The following GRID2 variants were observed in gnomAD, a reference collection of about 807,000 sequenced individuals.
The protein encoded by GRID2 is glutamate ionotropic receptor delta type subunit 2.
In GRID2, 33 loss-of-function variants were observed where a neutral mutation model predicts 114.8. That is an observed-to-expected ratio of 0.29 (90% CI 0.22 to 0.38). GRID2 has a LOEUF of 0.38. Among genes scored for constraint, GRID2 ranks in the 10% least tolerant of loss-of-function variants. The pLI is 1.00. For synonymous variants in GRID2, 505 were observed against 449.9 expected, an observed-to-expected ratio of 1.12 and a Z score of -1.55; for missense variants, 1,184 against 1,257.7, an observed-to-expected ratio of 0.94 and a Z score of 0.89.
At chr4:92,936,773 A>C (rs557393067) in intron 2 of GRID2, among the ~76,000 whole-genome samples, 1 of 146,524 alleles carries the variant, frequency 6.8e-6, no homozygotes, top group East Asian at 2.2e-4. Context: ...AATTGTGAGG[A>C]TATAATATTT....
At position 92,690,990 on chromosome 4, in the gene GRID2, CA is replaced by C. The variant is rs760539456; in HGVS notation, c.244+100709del. Among the ~76,000 whole-genome samples, 4 of 151,916 alleles carry C rather than the reference CA, an allele frequency of 2.6e-5. No homozygotes were observed. In the East Asian group the frequency reaches 7.8e-4, roughly 29 times the overall value. ...GATGAAAAGAGAGCAAAATACATTCCAAAAATTTTCAAATAATTTCCAAATC... is the reference window on the plus strand; with the variant it reads ...GATGAAAAGAGAGCAAAATACATTCCAAAATTTTCAAATAATTTCCAAATC... On this transcript the variant is annotated intron_variant, in intron 2 of 15. Coordinates refer to ENST00000282020, the MANE Select transcript of GRID2 (RefSeq NM_001510.4).
rs1478716561 is a variant in GRID2 at position 93,644,016 on chromosome 4, T to C, written c.2360+17581T>C. ...CCAGGTGTGGGATATAGTCTCGTGG[T>C]GCGCCGTTTCTTAAGCCGGTCTGAA... On this transcript the variant is annotated intron_variant, in intron 14 of 15. Coordinates refer to ENST00000282020, the MANE Select transcript of GRID2 (RefSeq NM_001510.4). 1.1e-4 allele frequency among the ~76,000 whole-genome samples: 10 copies of C among 88,382 alleles called. 1 individual carries two copies. The East Asian group carries it at 2.3e-3, about 20-fold the overall frequency. 58.0% of individuals were successfully genotyped at this position (88,382 alleles called of 152,430 possible).
intron 2 of GRID2, among the ~76,000 whole-genome samples, chr4:92,978,081 C>A (rs1005733437): frequency 6.6e-6 from 1 of 152,088 alleles, no homozygotes; most frequent in Non-Finnish European, 1.5e-5. Context: ...GATTCACGAC[C>A]AATCCATAGG....
intron 8 of GRID2, among the ~76,000 whole-genome samples, chr4:93,361,134 A>C (rs528434246): frequency 6.6e-6 from 1 of 152,134 alleles, no homozygotes; most frequent in Non-Finnish European, 1.5e-5. Context: ...AAATTTTTTT[A>C]CATGCAATAA....
intron 1 of GRID2, among the ~76,000 whole-genome samples, chr4:92,455,004 A>G (rs1023006955): frequency 7.2e-5 from 11 of 152,172 alleles, no homozygotes; most frequent in Non-Finnish European, 1.3e-4. Context: ...TTAAGATTCT[A>G]CTGTATGTCT....
chr4:93,354,644 T>A (rs1232123691), intron 8 of GRID2, among the ~76,000 whole-genome samples: 1 of 149,546 alleles, frequency 6.7e-6, no homozygotes, highest in East Asian at 2.0e-4. Flanking sequence ...AAAGTTCAGA[T>A]TATTTACTCC....
Position 92,740,738 on chromosome 4 carries a change from A to AGATG in GRID2, c.244+150456_244+150459dup, listed in dbSNP as rs1358303268. On this transcript the variant is annotated intron_variant, in intron 2 of 15. Transcript: ENST00000282020. ...TAGATAGATAGATAGATAGATAGAT[A>AGATG]GATGGATAGATAGATAGACAGATAG... 4.9e-3 allele frequency among the ~76,000 whole-genome samples: 689 copies of AGATG among 141,148 alleles called. 9 individuals are homozygous for AGATG. The highest frequency in any genetic ancestry group is 0.014 in the African/African-American group (516 of 35,826). The allele number at this position is 141,148 out of a possible 152,430, so 92.6% of individuals were successfully genotyped here.
intron 7 of GRID2, among the ~76,000 whole-genome samples, chr4:93,234,584 C>T (rs1746544925): frequency 6.6e-6 from 1 of 150,956 alleles, no homozygotes; most frequent in African/African-American, 2.4e-5. Context: ...CGTAATGTTA[C>T]ATGGCAACTC....
intron 2 of GRID2, among the ~76,000 whole-genome samples, chr4:92,687,241 C>A (rs1469150036): frequency 6.9e-6 from 1 of 145,890 alleles, no homozygotes; most frequent in African/African-American, 2.5e-5. Flanking sequence ...CTAGTCATTT[C>A]TTGTGCAAAC....
chr4:92,994,050 A>G (rs1007951035), intron 2 of GRID2, among the ~76,000 whole-genome samples: 2 of 152,132 alleles, frequency 1.3e-5, no homozygotes, highest in African/African-American at 4.8e-5. Context: ...TGAGGATACA[A>G]TGAGATTGTC....
intron 1 of GRID2, among the ~76,000 whole-genome samples, chr4:92,577,009 G>A (rs1219914977): frequency 6.6e-6 from 1 of 151,962 alleles, no homozygotes; most frequent in Non-Finnish European, 1.5e-5. Context: ...TTTCTCTTAA[G>A]CTCCATTTTC....
intron 12 of GRID2, among the ~76,000 whole-genome samples, chr4:93,514,484 C>T (rs529236005): frequency 4.8e-5 from 7 of 145,948 alleles, no homozygotes; most frequent in South Asian, 4.3e-4. Flanking sequence ...ATATAGCAAA[C>T]GAAATATAGA....
At chr4:92,448,130 T>TG (rs1199762987) in intron 1 of GRID2, among the ~76,000 whole-genome samples, 5 of 143,564 alleles carry the variant, frequency 3.5e-5, no homozygotes, top group South Asian at 4.6e-4. Context: ...TGATTTTTAT[T>TG]TTATGTATGT....
At chr4:93,344,843 T>C (rs1760045190) in intron 8 of GRID2, among the ~76,000 whole-genome samples, 2 of 152,042 alleles carry the variant, frequency 1.3e-5, no homozygotes, top group African/African-American at 4.8e-5. Flanking sequence ...TGATATCTTT[T>C]AGATTCCACA....
intron 8 of GRID2, among the ~76,000 whole-genome samples, chr4:93,277,269 G>C (rs1307981618): frequency 6.6e-6 from 1 of 151,896 alleles, no homozygotes; most frequent in African/African-American, 2.4e-5. Context: ...ACAAAATACT[G>C]ATAATTGTAA....
intron 2 of GRID2, among the ~76,000 whole-genome samples, chr4:92,690,960 A>G (rs1399932929): frequency 2.0e-5 from 3 of 152,154 alleles, no homozygotes; most frequent in African/African-American, 7.2e-5. Context: ...GAGTTAGTTT[A>G]GAATGATGAA....
At chr4:93,278,063 A>C (rs973992737) in intron 8 of GRID2, among the ~76,000 whole-genome samples, 1 of 151,940 alleles carries the variant, frequency 6.6e-6, no homozygotes, top group African/African-American at 2.4e-5. Context: ...GAGCAGATAA[A>C]TTTGACTGGA....
At chr4:92,425,866 T>C (rs1414230299) in intron 1 of GRID2, among the ~76,000 whole-genome samples, 1 of 152,148 alleles carries the variant, frequency 6.6e-6, no homozygotes, top group Non-Finnish European at 1.5e-5. Context: ...ATTTAAAGCA[T>C]TGACCAATCT....
At chr4:92,928,427 T>C (rs547407279) in intron 2 of GRID2, among the ~76,000 whole-genome samples, 11 of 151,690 alleles carry the variant, frequency 7.3e-5, no homozygotes, top group African/African-American at 2.4e-4. Context: ...AATACACTAA[T>C]AGAGTTTCCC....
Sources: gnomAD v4.1 joint callset for allele counts (sites outside exome capture counted in the v4.1 genomes callset) on GRCh38, gnomAD v4.1.1 for gene constraint, MANE v1.5 for transcripts, NCBI Gene and HGNC (gene_info 2026-07-23, HGNC 2026-07-21) for gene names.